FCAMR: variants seen among roughly 807,000 people sequenced by gnomAD.
FCAMR encodes high affinity immunoglobulin alpha and immunoglobulin mu Fc receptor.
A neutral mutation model predicts 52.2 loss-of-function variants in FCAMR; 51 were observed. That is an observed-to-expected ratio of 0.98 (90% CI 0.78 to 1.23). The LOEUF is 1.23. FCAMR is among the 50% of genes most tolerant of loss of function. The pLI is 0.00. For missense variants in FCAMR, 719 were observed against 712.6 expected, an observed-to-expected ratio of 1.01 and a Z score of -0.10; for synonymous variants, 282 against 262.0, an observed-to-expected ratio of 1.08 and a Z score of -0.74.
rs1303895427 is a variant in FCAMR, at chr1:206,959,719, A to C, written c.1533T>G (p.Ala511=). The part of the protein sequence containing the change: ...STMLALFMLM[A]LVLLQRKLWR... ...AGAGCTTCCTTTGCAATAGAACCAG[A>C]GCCATAAGCATAAACAGGGCCAGCA... The change falls in exon 7 of 8, where the codon GCT becomes GCG. Residue 511 remains alanine (A), a synonymous_variant. Coordinates refer to ENST00000324852, the MANE Select transcript of FCAMR (RefSeq NM_001170631.2). The C allele has an allele frequency of 6.2e-7, 1 of 1,613,988 alleles. No homozygotes were observed. Among genetic ancestry groups the C allele is most frequent in the Admixed American group, 1.7e-5 (1 of 59,998 alleles).
intron 4 of FCAMR, among the ~76,000 whole-genome samples, chr1:206,964,277 T>C (rs1047867831): frequency 1.2e-4 from 18 of 152,180 alleles, no homozygotes; most frequent in African/African-American, 3.6e-4. Flanking sequence ...TCTACAGCCC[T>C]GTACATGTGG....
chr1:206,960,488 G>A lies in FCAMR; in HGVS notation c.1388C>T (p.Ala463Val). The A allele has an allele frequency of 6.5e-7, 1 of 1,549,768 alleles. No individual in the cohort carries two copies. Among genetic ancestry groups the A allele is most frequent in the Non-Finnish European group, 8.7e-7 (1 of 1,146,160 alleles). ...TACTGCCGGGGTCTGGCTCAGTGTT[G>A]CTTGGGGACCTCTGTCTCCAGTGGC... ...DAATGDRGPQ[A>V]TLSQTPAVGP... is the part of the protein sequence containing the mutation. Residue 463 changes from alanine (A) to valine (V), a missense_variant, in exon 6 of 8, where the codon GCA becomes GTA. Transcript: ENST00000324852.
intron 1 of FCAMR, chr1:206,969,237 CT>C: frequency 2.2e-6 from 1 of 454,774 alleles, no homozygotes; most frequent in East Asian, 7.0e-5. Flanking sequence ...CATCCAGTTC[CT>C]CTGAAGTCAC....
chr1:206,965,831 C>G lies in FCAMR; in HGVS notation c.197G>C (p.Arg66Thr). ...QGSSFALPQK[R>T]PHPRWLWEGS... ...CTCCCACAGCCATCTCGGATGGGGT[C>G]TTTTTTGTGGAAGGGCGAAAGAAGA... is the stretch of plus-strand genomic sequence containing the variant. The change falls in exon 4 of 8, where the codon AGA (arginine) becomes ACA (threonine). Residue 66 changes from arginine (R) to threonine (T), a missense_variant. Transcript: ENST00000324852. 1 of 1,606,212 alleles carries G rather than the reference C, an allele frequency of 6.2e-7. No individual in the cohort carries two copies. Among genetic ancestry groups the G allele is most frequent in the African/African-American group, 1.3e-5 (1 of 74,324 alleles).
chr1:206,962,351 G>C lies in FCAMR; in HGVS notation c.514C>G (p.Leu172Val), dbSNP rs749374377. Residue 172 changes from leucine (L) to valine (V), a missense_variant, in exon 5 of 8, where the codon CTC becomes GTC. Transcript: ENST00000324852. ...AAGCCTCTCTGTGGAAAGTCTGTGA[G>C]GGCCACACGGTCACGATAGCGATGG... is the stretch of plus-strand genomic sequence containing the variant. ...THHRYRDRVA[L>V]TDFPQRGLFV... The C allele has an allele frequency of 4.3e-6, 7 of 1,614,222 alleles. No homozygotes were observed. Among genetic ancestry groups the C allele is most frequent in the South Asian group, 1.1e-5 (1 of 91,078 alleles).
chr1:206,965,388 A>C (rs544820401), intron 4 of FCAMR, among the ~76,000 whole-genome samples: 2 of 152,364 alleles, frequency 1.3e-5, no homozygotes, highest in East Asian at 1.9e-4. Context: ...GATTCATTTG[A>C]TAGATCACTG....
chr1:206,966,939 T>C, intron 3 of FCAMR, 113 bp downstream of exon 3: 11 of 947,460 alleles, frequency 1.2e-5, no homozygotes, highest in Non-Finnish European at 1.7e-5. Flanking sequence ...CATCTGAGCA[T>C]GGTTTATACC....
In FCAMR at chr1:206,958,427, G is replaced by A; in HGVS notation, c.*89C>T. On this transcript the variant is annotated 3_prime_UTR_variant, in exon 8 of 8. Transcript: ENST00000324852. The stretch of plus-strand genomic sequence containing the variant: ...ATCAGCTTCTCTTCCCACAGGTGGA[G>A]GAAGGATGATGGAAAGAGGCTGGGG... 1 of 1,379,242 alleles carries A rather than the reference G, an allele frequency of 7.3e-7. No homozygotes were observed. 85.4% of individuals were successfully genotyped at this position (1,379,242 alleles called of 1,614,324 possible). A position where few individuals can be genotyped will look rare whatever the true frequency, so the allele number is the denominator to read the frequency against.
At chr1:206,965,419 T>C (rs1680665966) in intron 4 of FCAMR, among the ~76,000 whole-genome samples, 1 of 152,232 alleles carries the variant, frequency 6.6e-6, no homozygotes, top group African/African-American at 2.4e-5. Flanking sequence ...CTTTGTTATA[T>C]ACAATAATTA....
chr1:206,965,733 C>T lies in FCAMR; in HGVS notation c.295G>A (p.Glu99Lys). 3 of 1,575,176 alleles carry T rather than the reference C, an allele frequency of 1.9e-6. No individual in the cohort carries two copies. The highest frequency in any genetic ancestry group is 1.7e-4 in the Middle Eastern group (1 of 5,842). Residue 99 changes from glutamate (E) to lysine (K), a missense_variant, in exon 4 of 8, where the codon GAG becomes AAG. Glu to Lys is a moderately conservative substitution (Grantham distance 56, BLOSUM62 1). Transcript: ENST00000324852. ...GTTGTACCTGCAAAGGAGCTCTCCT[C>T]CCGCCAGCAGAGGGGCGAGGAAGGC... ...LRPSSPLCWR[E>K]ESSFAAPNSL...
intron 1 of FCAMR, chr1:206,969,227 C>A (rs781631842): frequency 1.3e-5 from 6 of 450,444 alleles, no homozygotes; most frequent in South Asian, 9.4e-5. Flanking sequence ...TGCATCATAC[C>A]ATCCAGTTCC....
chr1:206,964,942 A>C (rs1680647787), intron 4 of FCAMR, among the ~76,000 whole-genome samples: 2 of 152,190 alleles, frequency 1.3e-5, no homozygotes, highest in African/African-American at 4.8e-5. Context: ...GTGACTGCAC[A>C]GGCCCAGGAA....
At position 206,959,794 on chromosome 1, in the gene FCAMR, A is replaced by C. The variant is rs1680425524; in HGVS notation, c.1458T>G (p.Thr486=). The change falls in exon 7 of 8, where the codon ACT becomes ACG. Residue 486 remains threonine, a synonymous_variant. Transcript: ENST00000324852. ...PPGKESSVKR[T]FPEDESSSRT... is the part of the protein sequence containing the mutation. ...GAGAGCTGCTTTCATCTTCTGGAAA[A>C]GTACTACAGTGGGGGTGGAAAGAGC... is the stretch of plus-strand genomic sequence containing the variant. 2.5e-6 allele frequency: 4 copies of C among 1,612,762 alleles called. No homozygotes were observed. Among genetic ancestry groups the C allele is most frequent in the Non-Finnish European group, 3.4e-6 (4 of 1,178,736 alleles).
rs1307194255 is a variant in FCAMR at position 206,967,187 on chromosome 1, A to T, written c.109-75T>A. On this transcript the variant is annotated intron_variant, in intron 2 of 7. Coordinates refer to ENST00000324852, the MANE Select transcript of FCAMR (RefSeq NM_001170631.2). ...GGTGGTGGGACTTGAGAGAACAAGC[A>T]TCTTCTCACTTTGGGATCTCGGTTT... The T allele has an allele frequency of 2.0e-6, 3 of 1,483,572 alleles. No homozygotes were observed. The Admixed American group carries it at 5.5e-5, about 27-fold the overall frequency. 91.9% of individuals were successfully genotyped at this position (1,483,572 alleles called of 1,614,324 possible).
chr1:206,959,673 A>C lies in FCAMR; in HGVS notation c.1573+6T>G. The C allele has an allele frequency of 1.2e-6, 2 of 1,611,414 alleles. No individual in the cohort carries two copies. Among genetic ancestry groups the C allele is most frequent in the Non-Finnish European group, 1.7e-6 (2 of 1,177,760 alleles). On this transcript the variant is annotated splice_donor_region_variant and intron_variant, in intron 7 of 7. Transcript: ENST00000324852. ...TTCTATCTAGCCTTGGGGCTACTCA[A>C]CTCACAGGTCCTCCTTCTCCAGAGC...
At position 206,967,127 on chromosome 1, in the gene FCAMR, C is replaced by T. The variant is rs753100249; in HGVS notation, c.109-15G>A. 6.8e-6 allele frequency: 11 copies of T among 1,613,330 alleles called. No individual in the cohort carries two copies. In the African/African-American group the frequency reaches 1.5e-4, roughly 22 times the overall value. ...CTGCTGGTGACCTGCAAAAAACACT[C>T]TAAATGAAAAGAGGCCTGAGAGAAG... On this transcript the variant is annotated splice_polypyrimidine_tract_variant and intron_variant, in intron 2 of 7. Coordinates refer to ENST00000324852, the MANE Select transcript of FCAMR (RefSeq NM_001170631.2).
At chr1:206,964,234 G>A (rs1038922428) in intron 4 of FCAMR, among the ~76,000 whole-genome samples, 8 of 152,116 alleles carry the variant, frequency 5.3e-5, no homozygotes, top group African/African-American at 1.2e-4. Context: ...AGCTTCCCGC[G>A]GGGCTGTTGC....
Position 206,962,292 on chromosome 1 carries a change from A to C in FCAMR, c.573T>G (p.Asp191Glu). The change falls in exon 5 of 8, where the codon GAT becomes GAG. Residue 191 changes from aspartate (D) to glutamate (E), a missense_variant. Physicochemically the swap from Asp to Glu is conservative, Grantham distance 45 (BLOSUM62 2). Transcript: ENST00000324852. ...FVVRLSQLSP[D>E]DIGCYLCGIG... ...TGCCGCAGAGGTAGCATCCGATGTCATCCGGGGACAGTTGGGACAGCCTCA... is the reference window on the plus strand; with the variant it reads ...TGCCGCAGAGGTAGCATCCGATGTCCTCCGGGGACAGTTGGGACAGCCTCA... 1.9e-6 allele frequency: 3 copies of C among 1,614,176 alleles called. No homozygotes were observed. The highest frequency in any genetic ancestry group is 2.5e-6 in the Non-Finnish European group (3 of 1,180,020).
chr1:206,962,454 G>A lies in FCAMR; in HGVS notation c.411C>T (p.His137=), dbSNP rs762583154. Residue 137 remains histidine (H), a synonymous_variant, in exon 5 of 8, where the codon CAC becomes CAT. Coordinates refer to ENST00000324852, the MANE Select transcript of FCAMR (RefSeq NM_001170631.2). The part of the protein sequence containing the change: ...CHYAPSSVNR[H]QRKYWCRLGP... The stretch of plus-strand genomic sequence containing the variant: ...CCAGACGGCACCAGTACTTCCTCTG[G>A]TGCCTGTTGACAGATGAGGGGGCAT... 7.1e-5 allele frequency: 115 copies of A among 1,613,820 alleles called. 4 individuals are homozygous for A. The South Asian group carries it at 1.3e-3, about 18-fold the overall frequency.
Sources: allele counts gnomAD v4.1 joint callset (sites outside exome capture counted in the v4.1 genomes callset), GRCh38; gene constraint gnomAD v4.1.1; transcripts MANE v1.5; gene names NCBI Gene and HGNC (gene_info 2026-07-23, HGNC 2026-07-21).